Variants in ORC3 observed in about 807,000 individuals in gnomAD.
ORC3 encodes homolog of latheo, Drosophila.
Under a neutral mutation model 100.7 loss-of-function variants are expected in ORC3, and 78 were observed. The observed-to-expected ratio is 0.77, with a 90% CI of 0.65 to 0.94. The LOEUF (loss-of-function observed/expected upper bound fraction) is 0.94, where lower values mean the gene tolerates loss of function less well. Among genes scored for constraint, ORC3 ranks in the 40% least tolerant of loss-of-function variants. ORC3 has a pLI of 0.00. For missense variants in ORC3, 789 were observed against 823.9 expected (o/e 0.96, Z 0.52); for synonymous variants, 295 against 289.3 (o/e 1.02, Z -0.20).
chr6:87,625,534 G>A (rs915479921), intron 11 of ORC3, among the ~76,000 whole-genome samples: 3 of 152,124 alleles, frequency 2.0e-5, no homozygotes, highest in Non-Finnish European at 2.9e-5. Context: ...CCCACTTTTT[G>A]ATGGGGTTAT....
chr6:87,610,922 A>T (rs1232702767), intron 7 of ORC3, among the ~76,000 whole-genome samples: 1 of 142,388 alleles, frequency 7.0e-6, no homozygotes, highest in African/African-American at 2.6e-5. Context: ...AGTTCTATAT[A>T]TTAGGACTTT....
chr6:87,647,992 G>A (rs1406647193), intron 13 of ORC3, among the ~76,000 whole-genome samples: 1 of 152,166 alleles, frequency 6.6e-6, no homozygotes, highest in Non-Finnish European at 1.5e-5. Context: ...TTGAGGCCAG[G>A]AGTTCAAGAC....
chr6:87,676,337 C>A, the ORC3 span, among the ~76,000 whole-genome samples: 1 of 149,046 alleles, frequency 6.7e-6, no homozygotes, highest in Non-Finnish European at 1.5e-5. Flanking sequence ...TGGTGGCAGG[C>A]CGCCTGTAGT....
chr6:87,662,832 G>A (rs534530844), intron 16 of ORC3, among the ~76,000 whole-genome samples, 171 bp from the exon 17 acceptor site: 37 of 152,200 alleles, frequency 2.4e-4, no homozygotes, highest in African/African-American at 8.9e-4. Context: ...GTTTTTGGTT[G>A]TTAATTTTGC....
Position 87,606,036 on chromosome 6 carries a change from G to A in ORC3, c.427+15G>A, listed in dbSNP as rs150628968. The A allele has an allele frequency of 2.5e-4, 328 of 1,300,820 alleles. 2 individuals carry two copies. In the East Asian group the frequency reaches 7.4e-3, roughly 30 times the overall value. The allele number at this position is 1,300,820 out of a possible 1,614,324, so 80.6% of individuals were successfully genotyped here. On this transcript the variant is annotated intron_variant, in intron 5 of 19. Transcript: ENST00000392844. ...AGATTGTCCAGGTAAAAATATAAAT[G>A]CCATAATAACCTTGATGAGATGTTA...
chr6:87,668,641 G>C (rs9444531), downstream of ORC3, among the ~76,000 whole-genome samples: 44,266 of 152,080 alleles, frequency 0.29, 6,769 homozygotes, highest in Admixed American at 0.4. Context: ...TGACATTAAT[G>C]GGTAGCTGCT....
chr6:87,625,208 C>A (rs1430827060), intron 11 of ORC3, among the ~76,000 whole-genome samples: 2 of 152,130 alleles, frequency 1.3e-5, no homozygotes, highest in African/African-American at 4.8e-5. Flanking sequence ...TGGGTATATA[C>A]CCAGTAATGG....
chr6:87,619,177 G>GGA (rs1779368045), intron 9 of ORC3, among the ~76,000 whole-genome samples: 1 of 152,108 alleles, frequency 6.6e-6, no homozygotes, highest in African/African-American at 2.4e-5. Context: ...GGTAGAAAGT[G>GGA]GAGTACCACT....
In ORC3 at chr6:87,616,316, A is replaced by C; in HGVS notation, c.876A>C (p.Leu292=). 8.0e-7 allele frequency: 1 copy of C among 1,243,976 alleles called. No individual in the cohort carries two copies. The highest frequency in any genetic ancestry group is 1.2e-6 in the Non-Finnish European group (1 of 845,042). The allele number at this position is 1,243,976 out of a possible 1,614,324, so 77.1% of individuals were successfully genotyped here. The change falls in exon 9 of 20, where the codon CTA becomes CTC. Residue 292 remains leucine, a splice_region_variant and synonymous_variant. Transcript: ENST00000392844. The part of the protein sequence containing the change: ...KEHLTTVLDK[L]LLTTQFPFKI... ...CCCTCCCTTTTAATCTCTTTCAGCT[A>C]CTTCTTACAACTCAGTTTCCCTTTA...
At chr6:87,650,567 T>G (rs1769180923) in intron 13 of ORC3, among the ~76,000 whole-genome samples, 1 of 152,228 alleles carries the variant, frequency 6.6e-6, no homozygotes, top group Non-Finnish European at 1.5e-5. Flanking sequence ...AAAAAAAATT[T>G]TAAATAATGA....
chr6:87,617,004 G>A (rs2128260117), intron 9 of ORC3, among the ~76,000 whole-genome samples: 1 of 152,110 alleles, frequency 6.6e-6, no homozygotes, highest in East Asian at 1.9e-4. Context: ...CACCATGTTG[G>A]CCAGGCTGGT....
chr6:87,643,077 A>G (rs1207414913), intron 13 of ORC3, among the ~76,000 whole-genome samples: 1 of 152,148 alleles, frequency 6.6e-6, no homozygotes, highest in Non-Finnish European at 1.5e-5. Flanking sequence ...TTGGGACAGA[A>G]TTGTTAAAGC....
rs1428048797 is a variant in ORC3, at chr6:87,614,563, C to A, written c.874-1751C>A. Among the ~76,000 whole-genome samples the A allele has an allele frequency of 2.6e-5, 4 of 152,194 alleles. No individual in the cohort carries two copies. In the East Asian group the frequency reaches 7.7e-4, roughly 29 times the overall value. ...AAATTTTCCAAACTTTTATGCCCTG[C>A]TTCCCTCATAAAATGGAATGCCTTT... On this transcript the variant is annotated intron_variant, in intron 8 of 19. Transcript: ENST00000392844.
the ORC3 span, chr6:87,675,278 C>T: frequency 5.5e-6 from 2 of 364,424 alleles, no homozygotes; most frequent in Non-Finnish European, 1.0e-5. Flanking sequence ...GTTTTATTTA[C>T]ACAACCAGTG....
intron 13 of ORC3, among the ~76,000 whole-genome samples, chr6:87,648,859 T>C (rs1297744353): frequency 6.6e-6 from 1 of 152,230 alleles, no homozygotes; most frequent in African/African-American, 2.4e-5. Context: ...TCTTCACTAT[T>C]ACAAACAATA....
At chr6:87,641,108 C>CAAAAAAAAAAAA (rs962295895) in intron 13 of ORC3, among the ~76,000 whole-genome samples, 1 of 127,824 alleles carries the variant, frequency 7.8e-6, no homozygotes. Flanking sequence ...GACTCCATCT[C>CAAAAAAAAAAAA]AAAAAAAAAA....
At chr6:87,675,891 T>G in the ORC3 span, 1 of 1,613,878 alleles carries the variant, frequency 6.2e-7, no homozygotes, top group Non-Finnish European at 8.5e-7. Context: ...ATCGTCGCAT[T>G]ATTTGATCAT....
intron 11 of ORC3, 75 bp from the exon 12 acceptor site, chr6:87,634,770 C>T: frequency 1.4e-6 from 1 of 740,554 alleles, no homozygotes; most frequent in Non-Finnish European, 2.3e-6. Context: ...ATTTTTATAG[C>T]CATGAAGTAG....
At chr6:87,609,924 T>G (rs551758275) in intron 7 of ORC3, among the ~76,000 whole-genome samples, 1 of 152,288 alleles carries the variant, frequency 6.6e-6, no homozygotes, top group East Asian at 1.9e-4. Context: ...GCATATAGTT[T>G]TACTAAGCAA....
Sources: allele counts gnomAD v4.1 joint callset (sites outside exome capture counted in the v4.1 genomes callset), GRCh38; gene constraint gnomAD v4.1.1; transcripts MANE v1.5; gene names NCBI Gene and HGNC (gene_info 2026-07-23, HGNC 2026-07-21).